Variants in CHST8 observed in about 807,000 individuals in gnomAD.
CHST8 encodes the protein carbohydrate sulfotransferase 8.
CHST8 carries 10 observed loss-of-function variants against 15.0 expected under a neutral mutation model. The observed-to-expected ratio is 0.67, with a 90% confidence interval of 0.41 to 1.13. The LOEUF is 1.13. Ranked by LOEUF, CHST8 falls within the 50% of genes most tolerant of loss-of-function variation. The probability of loss-of-function intolerance (pLI) is 0.00; values close to 1 mark genes in which losing one functional copy is unlikely to be tolerated. For missense variants in CHST8, 634 were observed against 608.2 expected (o/e 1.04, Z -0.45); for synonymous variants, 259 against 256.6 (o/e 1.01, Z -0.09).
At chr19:33,769,259 T>A (rs540594314) in intron 3 of CHST8, among the ~76,000 whole-genome samples, 184 of 152,306 alleles carry the variant, frequency 1.2e-3, no homozygotes, top group African/African-American at 4.3e-3. Context: ...ACTGGCAGGA[T>A]CCCTTTTGGA....
intron 3 of CHST8, among the ~76,000 whole-genome samples, chr19:33,757,395 A>AAAG (rs1436986871): frequency 8.0e-4 from 4 of 4,994 alleles, no homozygotes; most frequent in Non-Finnish European, 1.9e-3. Context: ...AAGAAGAAAG[A>AAAG]AAGAAAGAAA....
chr19:33,757,386 A>AGAAG lies in CHST8; in HGVS notation c.131-14026_131-14023dup, dbSNP rs1568358083. On this transcript the variant is annotated intron_variant, in intron 3 of 4. Transcript: ENST00000650847. ...CAGAGTGAGACGCGGTCTCAAAAAA[A>AGAAG]GAAGAAAGAAAGAAAGAAAGAAAGA... Among the ~76,000 whole-genome samples, 6 of 95,174 alleles carry AGAAG rather than the reference A, an allele frequency of 6.3e-5. 2 individuals are homozygous for AGAAG. The highest frequency in any genetic ancestry group is 6.6e-4 in the East Asian group (2 of 3,044). The allele number at this position is 95,174 out of a possible 152,430, so 62.4% of individuals were successfully genotyped here.
intron 3 of CHST8, among the ~76,000 whole-genome samples, chr19:33,745,397 G>A (rs981551891): frequency 2.0e-5 from 3 of 152,194 alleles, no homozygotes; most frequent in Non-Finnish European, 4.4e-5. Flanking sequence ...TTTAACGGAG[G>A]CATTACTGCC....
At chr19:33,654,213 C>T (rs986286291) in intron 1 of CHST8, among the ~76,000 whole-genome samples, 3 of 152,024 alleles carry the variant, frequency 2.0e-5, no homozygotes, top group Non-Finnish European at 2.9e-5. Context: ...ATGCTTGTTT[C>T]CTGTAGTTTC....
chr19:33,647,821 G>A (rs1193702842), intron 1 of CHST8, among the ~76,000 whole-genome samples: 1 of 151,704 alleles, frequency 6.6e-6, no homozygotes, highest in Non-Finnish European at 1.5e-5. Flanking sequence ...ATTCCAGCCT[G>A]GGCAACAGAG....
intron 2 of CHST8, among the ~76,000 whole-genome samples, chr19:33,675,511 A>T (rs1307090160): frequency 6.6e-6 from 1 of 152,220 alleles, no homozygotes; most frequent in Non-Finnish European, 1.5e-5. Flanking sequence ...TTCCAAAAAC[A>T]TCCTGGTCTA....
chr19:33,747,864 T>A (rs1345025304), intron 3 of CHST8, among the ~76,000 whole-genome samples: 1 of 152,190 alleles, frequency 6.6e-6, no homozygotes, highest in East Asian at 1.9e-4. Context: ...CAAGGGGGGT[T>A]CCTAGCTCTT....
At chr19:33,684,372 C>T (rs1972938623) in intron 2 of CHST8, among the ~76,000 whole-genome samples, 1 of 152,206 alleles carries the variant, frequency 6.6e-6, no homozygotes, top group Non-Finnish European at 1.5e-5. Context: ...TGCCAAGGCC[C>T]GGCTCTGGGG....
At chr19:33,691,950 G>T (rs1300949759) in intron 3 of CHST8, among the ~76,000 whole-genome samples, 2 of 152,212 alleles carry the variant, frequency 1.3e-5, no homozygotes, top group Non-Finnish European at 2.9e-5. Flanking sequence ...AATGTAGAAA[G>T]GGGATGGGGA....
intron 2 of CHST8, among the ~76,000 whole-genome samples, chr19:33,672,501 C>T (rs551411485): frequency 2.0e-4 from 30 of 152,230 alleles, no homozygotes; most frequent in Non-Finnish European, 3.5e-4. Context: ...GCCTGGCCCC[C>T]ATCAAAAGTA....
chr19:33,713,412 C>T (rs8109045), intron 3 of CHST8, among the ~76,000 whole-genome samples: 3,197 of 152,052 alleles, frequency 0.021, 56 homozygotes, highest in African/African-American at 0.053. Context: ...TTCTCATGAA[C>T]GCCACTGCAG....
intron 3 of CHST8, among the ~76,000 whole-genome samples, chr19:33,769,773 G>A (rs1385228927): frequency 1.3e-5 from 2 of 152,242 alleles, no homozygotes. Flanking sequence ...CTCCAGGGAA[G>A]AGTCTAGAAG....
At chr19:33,757,605 A>AAAGAAAGAAAGAAAGGAAGG (rs1365725815) in intron 3 of CHST8, among the ~76,000 whole-genome samples, 3 of 112,922 alleles carry the variant, frequency 2.7e-5, no homozygotes, top group African/African-American at 1.1e-4. Context: ...AGAAAGAAAG[A>AAAGAAAGAAAGAAAGGAAGG]GCCGGCCATT....
chr19:33,658,245 C>T (rs1431531669), intron 1 of CHST8, among the ~76,000 whole-genome samples: 2 of 152,130 alleles, frequency 1.3e-5, no homozygotes, highest in African/African-American at 2.4e-5. Context: ...AAAGCTGAGG[C>T]AGGAGAATTA....
chr19:33,657,250 T>A (rs1273135109), intron 1 of CHST8, among the ~76,000 whole-genome samples: 1 of 150,650 alleles, frequency 6.6e-6, no homozygotes, highest in African/African-American at 2.4e-5. Context: ...CATATATATA[T>A]ACACACATAC....
intron 3 of CHST8, among the ~76,000 whole-genome samples, chr19:33,733,055 C>A (rs1974022113): frequency 6.6e-6 from 1 of 152,060 alleles, no homozygotes; most frequent in Non-Finnish European, 1.5e-5. Context: ...TCCAATCACC[C>A]TCCCCTCCTC....
At chr19:33,727,099 G>T (rs780081701) in intron 3 of CHST8, among the ~76,000 whole-genome samples, 3 of 151,870 alleles carry the variant, frequency 2.0e-5, no homozygotes, top group Admixed American at 6.6e-5. Context: ...CAGTCGCCCG[G>T]GAGCCACTTC....
At chr19:33,674,032 G>A (rs1316068165) in intron 2 of CHST8, among the ~76,000 whole-genome samples, 2 of 152,214 alleles carry the variant, frequency 1.3e-5, no homozygotes, top group African/African-American at 4.8e-5. Context: ...GGGATTACAT[G>A]CATAAGCCAC....
rs1169395341 is a variant in CHST8 at position 33,622,043 on chromosome 19, G to A, written c.-417G>A. 6.6e-6 allele frequency: 1 copy of A among 152,150 alleles called. No individual in the cohort carries two copies. The highest frequency in any genetic ancestry group is 1.5e-5 in the Non-Finnish European group (1 of 68,080). 9.4% of individuals were successfully genotyped at this position (152,150 alleles called of 1,614,324 possible). A position where few individuals can be genotyped will look rare whatever the true frequency, so the allele number is the denominator to read the frequency against. ...GAGGCGGCGGCGGCAGCAGGAGGTG[G>A]GGGACCGATCGCGCCGGGGGCCGAA... On this transcript the variant is annotated 5_prime_UTR_variant, in exon 1 of 5. Coordinates refer to ENST00000650847, the MANE Select transcript of CHST8 (RefSeq NM_001127895.2).
Sources: allele counts gnomAD v4.1 joint callset (sites outside exome capture counted in the v4.1 genomes callset), GRCh38; gene constraint gnomAD v4.1.1; transcripts MANE v1.5; gene names NCBI Gene and HGNC (gene_info 2026-07-23, HGNC 2026-07-21).